The following NALF1 variants were observed in gnomAD, a reference collection of about 807,000 sequenced individuals.
NALF1 encodes NALCN channel auxiliary factor 1, also known as family with sequence similarity 155 member A.
A neutral mutation model predicts 48.4 loss-of-function variants in NALF1; 3 were observed. That is an observed-to-expected ratio of 0.06 (90% confidence interval 0.03 to 0.16). The LOEUF (loss-of-function observed/expected upper bound fraction) is 0.16. NALF1 is among the 10% of genes least tolerant of loss of function. The pLI is 1.00. For missense variants in NALF1, 526 were observed against 571.5 expected (o/e 0.92, Z 0.81); for synonymous variants, 262 against 245.7 (o/e 1.07, Z -0.62).
intron 1 of NALF1, among the ~76,000 whole-genome samples, chr13:107,232,547 G>A (rs964211390): frequency 6.6e-6 from 1 of 152,138 alleles, no homozygotes; most frequent in African/African-American, 2.4e-5. Context: ...TTTAAGAACT[G>A]TCACAAAGGA....
At chr13:107,481,307 C>T (rs1306469973) in intron 1 of NALF1, among the ~76,000 whole-genome samples, 2 of 152,074 alleles carry the variant, frequency 1.3e-5, no homozygotes, top group Admixed American at 1.3e-4. Flanking sequence ...CCCTAAAATG[C>T]CGAATAAATG....
At chr13:107,684,116 T>C (rs1319869262) in intron 1 of NALF1, among the ~76,000 whole-genome samples, 1 of 152,178 alleles carries the variant, frequency 6.6e-6, no homozygotes, top group Non-Finnish European at 1.5e-5. Context: ...CCACCAGCCA[T>C]CTGTGGCTCC....
At chr13:107,701,660 G>C (rs1354281832) in intron 1 of NALF1, among the ~76,000 whole-genome samples, 1 of 152,094 alleles carries the variant, frequency 6.6e-6, no homozygotes, top group African/African-American at 2.4e-5. Flanking sequence ...TAGAGATCTA[G>C]GTAGAACATG....
chr13:107,823,814 G>A (rs1253482448), intron 1 of NALF1, among the ~76,000 whole-genome samples: 1 of 152,044 alleles, frequency 6.6e-6, no homozygotes, highest in Non-Finnish European at 1.5e-5. Flanking sequence ...GTGTGATACT[G>A]GGCAAGTGAT....
chr13:107,710,228 T>C (rs902910300), intron 1 of NALF1, among the ~76,000 whole-genome samples: 2 of 152,088 alleles, frequency 1.3e-5, no homozygotes, highest in Admixed American at 6.5e-5. Flanking sequence ...AGTATCTATA[T>C]TGCAGACATA....
chr13:107,212,982 C>T (rs1454145628), intron 1 of NALF1, among the ~76,000 whole-genome samples: 1 of 152,042 alleles, frequency 6.6e-6, no homozygotes, highest in Non-Finnish European at 1.5e-5. Flanking sequence ...CACACGTTGC[C>T]TTTCCACCGT....
At chr13:107,810,250 A>G (rs1878947213) in intron 1 of NALF1, among the ~76,000 whole-genome samples, 1 of 152,094 alleles carries the variant, frequency 6.6e-6, no homozygotes, top group Non-Finnish European at 1.5e-5. Context: ...CTCAAATTTG[A>G]CACTTTTAAA....
At chr13:107,267,168 G>A (rs1367744981) in intron 1 of NALF1, among the ~76,000 whole-genome samples, 1 of 152,184 alleles carries the variant, frequency 6.6e-6, no homozygotes, top group East Asian at 1.9e-4. Flanking sequence ...CCTCAAAATA[G>A]AGCAAGCAGT....
intron 1 of NALF1, among the ~76,000 whole-genome samples, chr13:107,288,532 T>TC (rs1199284209): frequency 1.3e-5 from 2 of 148,886 alleles, no homozygotes; most frequent in African/African-American, 5.0e-5. Context: ...AAAACTTTTT[T>TC]TTTTTTTTTT....
intron 1 of NALF1, among the ~76,000 whole-genome samples, chr13:107,818,026 T>C (rs569673882): frequency 6.6e-6 from 1 of 152,314 alleles, no homozygotes; most frequent in African/African-American, 2.4e-5. Flanking sequence ...AGACATGAAA[T>C]AAAAGGTATA....
At chr13:107,633,688 G>A (rs1879890903) in intron 1 of NALF1, among the ~76,000 whole-genome samples, 1 of 145,332 alleles carries the variant, frequency 6.9e-6, no homozygotes, top group African/African-American at 2.5e-5. Context: ...TTATACATTT[G>A]TCCAATATTT....
At position 107,271,795 on chromosome 13, in the gene NALF1, T is replaced by C. The variant is rs866522889; in HGVS notation, c.916-61040A>G. ...TGGACTATATATATATATATATATA[T>C]ATATATATATATATATATATATTTA... is the stretch of plus-strand genomic sequence containing the variant. On this transcript the variant is annotated intron_variant, in intron 1 of 2. Coordinates refer to ENST00000375915, the MANE Select transcript of NALF1 (RefSeq NM_001080396.3). 4.2e-4 allele frequency among the ~76,000 whole-genome samples: 56 copies of C among 134,032 alleles called. 1 individual carries two copies. The highest frequency in any genetic ancestry group is 7.5e-3 in the Middle Eastern group (2 of 266). The allele number at this position is 134,032 out of a possible 152,430, so 87.9% of individuals were successfully genotyped here.
chr13:107,170,259 A>T lies in NALF1; in HGVS notation c.*238T>A, dbSNP rs1878770832. ...ACGAAAGCAAATAAAACCTCCAAAC[A>T]TTAAAACACAGTGTATAAAATGGTG... On this transcript the variant is annotated 3_prime_UTR_variant, in exon 3 of 3. Coordinates refer to ENST00000375915, the MANE Select transcript of NALF1 (RefSeq NM_001080396.3). The T allele has an allele frequency of 2.3e-6, 1 of 441,774 alleles. No homozygotes were observed. The highest frequency in any genetic ancestry group is 4.0e-6 in the Non-Finnish European group (1 of 249,340). 27.4% of individuals were successfully genotyped at this position (441,774 alleles called of 1,614,324 possible).
At chr13:107,623,542 A>G (rs935761343) in intron 1 of NALF1, among the ~76,000 whole-genome samples, 1 of 152,180 alleles carries the variant, frequency 6.6e-6, no homozygotes, top group Non-Finnish European at 1.5e-5. Flanking sequence ...AAATATCCCA[A>G]AGTCTTATAT....
chr13:107,344,364 C>T (rs1882736426), intron 1 of NALF1, among the ~76,000 whole-genome samples: 1 of 152,050 alleles, frequency 6.6e-6, no homozygotes, highest in South Asian at 2.1e-4. Flanking sequence ...GATACAAAAG[C>T]CAGACAACGA....
intron 1 of NALF1, among the ~76,000 whole-genome samples, chr13:107,374,100 G>A (rs1014845798): frequency 6.6e-6 from 1 of 152,112 alleles, no homozygotes; most frequent in African/African-American, 2.4e-5. Context: ...TGTTTTCCAT[G>A]TTATTTTATA....
intron 1 of NALF1, among the ~76,000 whole-genome samples, chr13:107,511,625 T>C (rs565579685): frequency 5.9e-5 from 9 of 152,264 alleles, no homozygotes; most frequent in African/African-American, 1.7e-4. Context: ...ACTATTTCTA[T>C]TCACACACTA....
At position 107,866,338 on chromosome 13, in the gene NALF1, T is replaced by TGCTGCTG; in HGVS notation, c.258_259insCAGCAGC (p.Arg87GlnfsTer143). 1 of 1,598,688 alleles carries TGCTGCTG rather than the reference T, an allele frequency of 6.3e-7. No individual in the cohort carries two copies. The highest frequency in any genetic ancestry group is 2.3e-5 in the East Asian group (1 of 43,966). ...TGCTGCTGCTGCTGCTGCCGCTGCC[T>TGCTGCTG]CTGCTGCTGCTGCTGCTGCTGCTGC... On this transcript the variant is annotated frameshift_variant, in exon 1 of 3. Coordinates refer to ENST00000375915, the MANE Select transcript of NALF1 (RefSeq NM_001080396.3). LOFTEE classifies it high-confidence loss of function. The surrounding 1 kb of genome is among the most constrained non-coding windows in gnomAD (Gnocchi z 4.4).
intron 1 of NALF1, among the ~76,000 whole-genome samples, chr13:107,228,867 C>T (rs1037642007): frequency 7.9e-5 from 12 of 152,036 alleles, no homozygotes; most frequent in African/African-American, 2.9e-4. Flanking sequence ...GTAATCCACC[C>T]GCCTTGGCCT....
Sources: gnomAD v4.1 joint callset for allele counts (sites outside exome capture counted in the v4.1 genomes callset) on GRCh38, gnomAD v4.1.1 for gene constraint, Gnocchi (gnomAD v3.1) non-coding constraint, MANE v1.5 for transcripts, NCBI Gene and HGNC (gene_info 2026-07-23, HGNC 2026-07-21) for gene names.